Variants in SGCZ observed in about 807,000 individuals in gnomAD.
The protein encoded by SGCZ is zeta-sarcoglycan.
In SGCZ, 40 loss-of-function variants were observed where a neutral mutation model predicts 41.3. That is an observed-to-expected ratio of 0.97 (90% CI 0.75 to 1.26). The LOEUF is 1.26. Among genes scored for constraint, SGCZ ranks in the 50% most tolerant of loss-of-function variants. The pLI is 0.00. For missense variants in SGCZ, 552 were observed against 369.8 expected (o/e 1.49, Z -4.04); for synonymous variants, 206 against 137.5 (o/e 1.50, Z -3.49).
intron 2 of SGCZ, among the ~76,000 whole-genome samples, chr8:14,549,270 C>G (rs1803727327): frequency 6.6e-6 from 1 of 152,008 alleles, no homozygotes; most frequent in African/African-American, 2.4e-5. Flanking sequence ...GAAAAACTAT[C>G]TTACCAAAGT....
intron 1 of SGCZ, among the ~76,000 whole-genome samples, chr8:14,591,940 T>C (rs902880190): frequency 2.6e-5 from 4 of 152,138 alleles, no homozygotes; most frequent in African/African-American, 9.7e-5. Context: ...GGACAGCAGC[T>C]GAGGTACACA....
intron 1 of SGCZ, among the ~76,000 whole-genome samples, chr8:14,834,128 G>C (rs551715788): frequency 5.9e-5 from 9 of 151,934 alleles, no homozygotes; most frequent in African/African-American, 1.7e-4. Flanking sequence ...TTCATGATCC[G>C]TGATTCTCAC....
intron 1 of SGCZ, among the ~76,000 whole-genome samples, chr8:14,612,949 G>C (rs1366994875): frequency 6.6e-6 from 1 of 152,180 alleles, no homozygotes; most frequent in Non-Finnish European, 1.5e-5. Flanking sequence ...GCCTCCCAAA[G>C]TGCTGGGATT....
intron 2 of SGCZ, among the ~76,000 whole-genome samples, chr8:14,434,866 C>G (rs141207520): frequency 2.0e-5 from 3 of 152,202 alleles, no homozygotes; most frequent in African/African-American, 7.2e-5. Context: ...GAGGTCAAGG[C>G]TACATGTAGT....
At chr8:14,212,204 A>G (rs931707568) in intron 4 of SGCZ, among the ~76,000 whole-genome samples, 1 of 152,000 alleles carries the variant, frequency 6.6e-6, no homozygotes, top group African/African-American at 2.4e-5. Flanking sequence ...GCAGAAGGTG[A>G]CCCACACTGG....
Position 14,915,703 on chromosome 8 carries a change from CA to C in SGCZ, c.39+321881del, listed in dbSNP as rs1205981583. On this transcript the variant is annotated intron_variant, in intron 1 of 7. Coordinates refer to ENST00000382080, the MANE Select transcript of SGCZ (RefSeq NM_139167.4). ...AATCTGTGTTCCCTTCGTAGTAAATCAAACACCACCTTCTCCAGCCTGCCTA... is the reference window on the plus strand; with the variant it reads ...AATCTGTGTTCCCTTCGTAGTAAATCAACACCACCTTCTCCAGCCTGCCTA... Among the ~76,000 whole-genome samples the C allele has an allele frequency of 5.3e-4, 80 of 152,130 alleles. 2 individuals carry two copies. The highest frequency in any genetic ancestry group is 5.0e-3 in the Admixed American group (77 of 15,272).
chr8:14,143,695 C>T (rs1041965530), intron 5 of SGCZ, among the ~76,000 whole-genome samples: 3 of 152,090 alleles, frequency 2.0e-5, no homozygotes, highest in Non-Finnish European at 4.4e-5. Flanking sequence ...CACTCATAGT[C>T]GCTGATTTAA....
chr8:14,826,957 T>C (rs1164351558), intron 1 of SGCZ, among the ~76,000 whole-genome samples: 1 of 152,164 alleles, frequency 6.6e-6, no homozygotes. Flanking sequence ...CATTTGTCAA[T>C]TTTGGCTTTT....
At chr8:14,096,012 A>G (rs533196080) in intron 7 of SGCZ, among the ~76,000 whole-genome samples, 18 of 152,230 alleles carry the variant, frequency 1.2e-4, no homozygotes, top group African/African-American at 4.3e-4. Flanking sequence ...GGTTGAGATG[A>G]TGGGGTTTTC....
intron 2 of SGCZ, among the ~76,000 whole-genome samples, chr8:14,474,962 T>G (rs904066460): frequency 6.6e-6 from 1 of 152,196 alleles, no homozygotes; most frequent in Admixed American, 6.5e-5. Context: ...GCCAAATGTC[T>G]GTACTGAATG....
At chr8:14,102,122 T>A (rs1280823613) in intron 7 of SGCZ, among the ~76,000 whole-genome samples, 3 of 146,518 alleles carry the variant, frequency 2.0e-5, no homozygotes, top group African/African-American at 7.6e-5. Flanking sequence ...TTTTTTTTAG[T>A]AGAGATGGGG....
At chr8:14,565,983 A>C (rs2117217999) in intron 1 of SGCZ, among the ~76,000 whole-genome samples, 1 of 152,248 alleles carries the variant, frequency 6.6e-6, no homozygotes, top group Admixed American at 6.5e-5. Flanking sequence ...TTTGATGTAA[A>C]ATTTTCAAAT....
At chr8:14,291,854 G>C (rs1458884363) in intron 3 of SGCZ, among the ~76,000 whole-genome samples, 1 of 151,850 alleles carries the variant, frequency 6.6e-6, no homozygotes, top group Non-Finnish European at 1.5e-5. Context: ...CTCTATCTTT[G>C]CTGGGCTTCT....
chr8:14,627,799 C>A (rs774166529), intron 1 of SGCZ, among the ~76,000 whole-genome samples: 52 of 151,956 alleles, frequency 3.4e-4, no homozygotes, highest in Non-Finnish European at 7.4e-5. Flanking sequence ...CTCAAAGTCC[C>A]ATTTTAGGAA....
At chr8:15,130,586 G>A (rs1013577954) in intron 1 of SGCZ, among the ~76,000 whole-genome samples, 14 of 152,168 alleles carry the variant, frequency 9.2e-5, no homozygotes, top group Admixed American at 7.9e-4. Context: ...TAAAACGGAT[G>A]TGTCACTTCA....
intron 2 of SGCZ, among the ~76,000 whole-genome samples, chr8:14,339,948 G>A (rs1802645119): frequency 6.6e-6 from 1 of 152,062 alleles, no homozygotes; most frequent in Non-Finnish European, 1.5e-5. Flanking sequence ...TGAAATGAAA[G>A]AATGAATTCA....
chr8:14,537,286 A>G (rs538009800), intron 2 of SGCZ, among the ~76,000 whole-genome samples: 209 of 151,972 alleles, frequency 1.4e-3, no homozygotes, highest in African/African-American at 4.8e-3. Context: ...TTTCAAGACC[A>G]GGGTGGGGGG....
At chr8:15,227,528 C>A (rs1443848892) in intron 1 of SGCZ, among the ~76,000 whole-genome samples, 18 of 152,048 alleles carry the variant, frequency 1.2e-4, no homozygotes, top group Admixed American at 1.0e-3. Flanking sequence ...GTCAAATGTT[C>A]TTTTGGGGTA....
chr8:15,151,438 G>C (rs73527029), intron 1 of SGCZ, among the ~76,000 whole-genome samples: 3,618 of 152,288 alleles, frequency 0.024, 118 homozygotes, highest in African/African-American at 0.081. Context: ...TCAACTATGG[G>C]AGAAATGTTC....
Sources: allele counts gnomAD v4.1 joint callset (sites outside exome capture counted in the v4.1 genomes callset), GRCh38; gene constraint gnomAD v4.1.1; transcripts MANE v1.5; gene names NCBI Gene and HGNC (gene_info 2026-07-23, HGNC 2026-07-21).